Variants in ERCC6L2 observed in about 807,000 individuals in gnomAD.
ERCC6L2 encodes DNA excision repair protein ERCC-6-like 2.
In ERCC6L2, 77 loss-of-function variants were observed where a neutral mutation model predicts 132.0. That is an observed-to-expected ratio of 0.58 (90% CI 0.49 to 0.71). The LOEUF is 0.71. Among genes scored for constraint, ERCC6L2 ranks in the 30% least tolerant of loss-of-function variants. The pLI is 0.00. For missense variants in ERCC6L2, 1,542 were observed against 1,837.6 expected (o/e 0.84, Z 2.94); for synonymous variants, 583 against 632.4 (o/e 0.92, Z 1.17).
chr9:95,880,725 A>G (rs1478529843), intron 1 of ERCC6L2, 144 bp from the exon 2 acceptor site: 88 of 624,414 alleles, frequency 1.4e-4, no homozygotes, highest in East Asian at 2.8e-5. Context: ...TTAGAAAAAT[A>G]TCTATACATG....
At chr9:95,905,032 C>T (rs918460934) in intron 3 of ERCC6L2, 2 of 152,154 alleles carry the variant, frequency 1.3e-5, no homozygotes, top group Non-Finnish European at 2.9e-5. Context: ...TCTGAACACA[C>T]CACATCTCGT....
At chr9:95,958,215 A>G (rs1277401508) in intron 13 of ERCC6L2, among the ~76,000 whole-genome samples, 1 of 151,762 alleles carries the variant, frequency 6.6e-6, no homozygotes. Context: ...ATCATTTTTT[A>G]TGGCTGCATA....
chr9:96,030,774 G>A (rs530450059), intron 19 of ERCC6L2, among the ~76,000 whole-genome samples: 2 of 151,018 alleles, frequency 1.3e-5, no homozygotes, highest in South Asian at 4.2e-4. Flanking sequence ...CGAACCCACC[G>A]GAAGGAACAA....
intron 17 of ERCC6L2, among the ~76,000 whole-genome samples, chr9:95,984,066 T>A (rs958758535): frequency 1.3e-5 from 2 of 149,444 alleles, no homozygotes; most frequent in African/African-American, 4.9e-5. Flanking sequence ...GTTGAATGTA[T>A]CCTTCCTTTA....
chr9:95,954,575 G>C (rs1464017474), intron 12 of ERCC6L2, among the ~76,000 whole-genome samples: 2 of 152,196 alleles, frequency 1.3e-5, no homozygotes, highest in South Asian at 2.1e-4. Flanking sequence ...AAGAAATGAT[G>C]AAGTATAGGC....
chr9:95,972,627 A>G lies in ERCC6L2; in HGVS notation c.2876A>G (p.Lys959Arg). The G allele has an allele frequency of 1.5e-6, 2 of 1,291,554 alleles. No homozygotes were observed. The highest frequency in any genetic ancestry group is 2.0e-6 in the Non-Finnish European group (2 of 988,690). 80.0% of individuals were successfully genotyped at this position (1,291,554 alleles called of 1,614,324 possible). A position where few individuals can be genotyped will look rare whatever the true frequency, so the allele number is the denominator to read the frequency against. ...AAAAGAAATGGAATAATTTCAAAAA[A>G]GTTAAGTCCTGAGAACACAACCCTG... ...DDKRNGIISK[K>R]LSPENTTLKS... Residue 959 changes from lysine to arginine, a missense_variant, in exon 16 of 19, where the codon AAG becomes AGG. Coordinates refer to ENST00000653738, the MANE Select transcript of ERCC6L2 (RefSeq NM_020207.7).
intron 4 of ERCC6L2, among the ~76,000 whole-genome samples, chr9:95,912,430 G>A (rs1455362697): frequency 6.6e-6 from 1 of 152,102 alleles, no homozygotes; most frequent in Non-Finnish European, 1.5e-5. Context: ...CAAAATGTAA[G>A]TTAATGTATG....
At chr9:96,035,675 C>T (rs902720869) in intron 19 of ERCC6L2, among the ~76,000 whole-genome samples, 1 of 152,196 alleles carries the variant, frequency 6.6e-6, no homozygotes, top group Non-Finnish European at 1.5e-5. Flanking sequence ...CAATAAACTC[C>T]TTTTCATCAT....
At chr9:95,992,804 G>A (rs962707824) in intron 17 of ERCC6L2, among the ~76,000 whole-genome samples, 1 of 152,134 alleles carries the variant, frequency 6.6e-6, no homozygotes, top group Non-Finnish European at 1.5e-5. Context: ...AGCAGTGGGT[G>A]CCTGCCAAGA....
At chr9:95,885,714 T>C (rs967954050) in intron 2 of ERCC6L2, among the ~76,000 whole-genome samples, 3 of 152,036 alleles carry the variant, frequency 2.0e-5, no homozygotes, top group Non-Finnish European at 4.4e-5. Flanking sequence ...TACCATGGAG[T>C]AGTGGTTCTC....
chr9:95,879,924 C>T (rs1254681287), intron 1 of ERCC6L2, among the ~76,000 whole-genome samples: 1 of 152,068 alleles, frequency 6.6e-6, no homozygotes, highest in African/African-American at 2.4e-5. Flanking sequence ...TGGATTCTTG[C>T]CATAAGAAAT....
At position 95,875,854 on chromosome 9, in the gene ERCC6L2, T is replaced by C; in HGVS notation, c.-185T>C. ...GCCCTCCCGTTCTGCTTGGGTCCCC[T>C]TAGTCGCTACCTTTGCTGGGATCCC... On this transcript the variant is annotated 5_prime_UTR_variant, in exon 1 of 19. Transcript: ENST00000653738. 1.6e-6 allele frequency: 1 copy of C among 619,518 alleles called. No homozygotes were observed. The highest frequency in any genetic ancestry group is 2.9e-6 in the Non-Finnish European group (1 of 350,808). 38.4% of individuals were successfully genotyped at this position (619,518 alleles called of 1,614,324 possible).
chr9:95,878,849 T>C (rs1177721595), intron 1 of ERCC6L2, among the ~76,000 whole-genome samples: 3 of 151,680 alleles, frequency 2.0e-5, no homozygotes, highest in Admixed American at 2.0e-4. Context: ...TCATTTTTTA[T>C]GGCTGCATAG....
In ERCC6L2 at chr9:96,013,991, T is replaced by A. The variant is rs1834120691; in HGVS notation, c.*788T>A. ...AACTTTTTATTTTGTTAGAAACTGT[T>A]ATATTTTGAGTGTAATATTTATGGT... On this transcript the variant is annotated 3_prime_UTR_variant, in exon 19 of 19. Transcript: ENST00000653738. 6.6e-6 allele frequency: 1 copy of A among 152,252 alleles called. No individual in the cohort carries two copies. Among genetic ancestry groups the A allele is most frequent in the South Asian group, 2.1e-4 (1 of 4,834 alleles). 9.4% of individuals were successfully genotyped at this position (152,252 alleles called of 1,614,324 possible).
At chr9:95,928,525 T>TA (rs1830198242) in intron 10 of ERCC6L2, among the ~76,000 whole-genome samples, 194 bp from the exon 11 acceptor site, 1 of 152,206 alleles carries the variant, frequency 6.6e-6, no homozygotes, top group South Asian at 2.1e-4. Flanking sequence ...TTCTGAATGT[T>TA]AAAGCCATAA....
chr9:95,999,370 A>AC (rs1833579748), intron 17 of ERCC6L2, among the ~76,000 whole-genome samples: 1 of 152,108 alleles, frequency 6.6e-6, no homozygotes, highest in Non-Finnish European at 1.5e-5. Flanking sequence ...CAAAAAAAAA[A>AC]AAATTTCCTT....
At chr9:96,006,093 A>G (rs1471107931) in intron 18 of ERCC6L2, among the ~76,000 whole-genome samples, 1 of 152,228 alleles carries the variant, frequency 6.6e-6, no homozygotes, top group African/African-American at 2.4e-5. Context: ...CAATGTATGT[A>G]TGAGCTACTC....
At chr9:96,000,123 G>C (rs754356568) in intron 17 of ERCC6L2, among the ~76,000 whole-genome samples, 2 of 152,022 alleles carry the variant, frequency 1.3e-5, no homozygotes, top group African/African-American at 2.4e-5. Flanking sequence ...TCCTGACCTC[G>C]TGATCCGCCC....
At chr9:95,995,996 A>C (rs539769416) in intron 17 of ERCC6L2, among the ~76,000 whole-genome samples, 1 of 152,238 alleles carries the variant, frequency 6.6e-6, no homozygotes, top group Non-Finnish European at 1.5e-5. Flanking sequence ...AGAGTCTCAC[A>C]TCTCTCACAT....
Sources: gnomAD v4.1 joint callset for allele counts (sites outside exome capture counted in the v4.1 genomes callset) on GRCh38, gnomAD v4.1.1 for gene constraint, MANE v1.5 for transcripts, NCBI Gene and HGNC (gene_info 2026-07-23, HGNC 2026-07-21) for gene names.